IDH3A: variants seen among roughly 807,000 people sequenced by gnomAD.
The protein encoded by IDH3A is isocitrate dehydrogenase (NAD(+)) 3 catalytic subunit alpha, also known as isocitrate dehydrogenase [NAD] subunit alpha, mitochondrial.
A neutral mutation model predicts 43.3 loss-of-function variants in IDH3A; 23 were observed. The observed-to-expected ratio is 0.53, with a 90% CI of 0.38 to 0.75. The LOEUF is 0.75. Ranked by LOEUF, IDH3A falls within the 30% of genes least tolerant of loss-of-function variation. The pLI is 0.00. For synonymous variants in IDH3A, 154 were observed against 163.5 expected, an observed-to-expected ratio of 0.94 and a Z score of 0.44; for missense variants, 329 against 474.4, an observed-to-expected ratio of 0.69 and a Z score of 2.85.
intron 7 of IDH3A, 32 bp from the exon 8 acceptor site, chr15:78,163,684 G>T: frequency 6.3e-7 from 1 of 1,597,534 alleles, no homozygotes; most frequent in Non-Finnish European, 8.6e-7. Context: ...TGCAGATTTT[G>T]ATTACTAAAT....
intron 2 of IDH3A, chr15:78,156,976 A>C: frequency 7.4e-7 from 1 of 1,346,778 alleles, no homozygotes; most frequent in Non-Finnish European, 9.8e-7. Flanking sequence ...GGAACTAAGA[A>C]AAAAATGGAA....
chr15:78,166,626 T>C (rs1424426110), intron 10 of IDH3A, among the ~76,000 whole-genome samples: 1 of 152,158 alleles, frequency 6.6e-6, no homozygotes, highest in Middle Eastern at 3.2e-3. Context: ...TGTGTGACCT[T>C]GGCCAAGTTC....
intron 1 of IDH3A, among the ~76,000 whole-genome samples, chr15:78,152,325 T>A (rs951300830): frequency 6.7e-6 from 1 of 149,558 alleles, no homozygotes; most frequent in African/African-American, 2.5e-5. Flanking sequence ...CCCAAAGTGC[T>A]GGGATTACAA....
intron 1 of IDH3A, chr15:78,154,858 G>A (rs572412059): frequency 4.2e-4 from 72 of 172,468 alleles, no homozygotes; most frequent in Non-Finnish European, 7.1e-4. Flanking sequence ...TAAATTGACC[G>A]AATGGTCAAG....
rs778529190 is a variant in IDH3A, at chr15:78,171,526, G to T, written c.*2521G>T. 6 of 1,613,718 alleles carry T rather than the reference G, an allele frequency of 3.7e-6. No individual in the cohort carries two copies. In the African/African-American group the frequency reaches 8.0e-5, roughly 22 times the overall value. ...TGTGAGCCGTTTCAGTTTCATCGTG[G>T]GACCTAAAAGGGAAATGAGAAGAAA... is the stretch of plus-strand genomic sequence containing the variant. On this transcript the variant is annotated 3_prime_UTR_variant, in exon 11 of 11. Transcript: ENST00000299518.
At position 78,168,759 on chromosome 15, in the gene IDH3A, G is replaced by A. The variant is rs190738086; in HGVS notation, c.1018-163G>A. 949 of 606,962 alleles carry A rather than the reference G, an allele frequency of 1.6e-3. 3 individuals carry two copies. Among genetic ancestry groups the A allele is most frequent in the Non-Finnish European group, 2.0e-3 (650 of 332,764 alleles). The allele number at this position is 606,962 out of a possible 1,614,324, so 37.6% of individuals were successfully genotyped here. On this transcript the variant is annotated intron_variant, in intron 10 of 10. Transcript: ENST00000299518. The stretch of plus-strand genomic sequence containing the variant: ...GATTGGATCCCGATCCTCCTGGGCT[G>A]GGTAGATGGTGGTGGAGTGGTTCCT...
chr15:78,160,060 C>G, intron 3 of IDH3A, 32 bp from the exon 4 acceptor site: 1 of 1,308,272 alleles, frequency 7.6e-7, no homozygotes, highest in Non-Finnish European at 1.1e-6. Flanking sequence ...TAAGTCTCTC[C>G]AGCTCACTGT....
At chr15:78,150,880 A>G (rs912823775) in intron 1 of IDH3A, 1 of 152,222 alleles carries the variant, frequency 6.6e-6, no homozygotes, top group Non-Finnish European at 1.5e-5. Context: ...TCCTAAAAGT[A>G]AAGCAACTTC....
Position 78,169,145 on chromosome 15 carries a change from T to G in IDH3A, c.*140T>G. 3.9e-6 allele frequency: 2 copies of G among 508,430 alleles called. No homozygotes were observed. Among genetic ancestry groups the G allele is most frequent in the Admixed American group, 7.1e-5 (2 of 28,164 alleles). The allele number at this position is 508,430 out of a possible 1,614,324, so 31.5% of individuals were successfully genotyped here. A position where few individuals can be genotyped will look rare whatever the true frequency, so the allele number is the denominator to read the frequency against. Reference sequence around the variant, plus strand: ...TAGATCTGGCCTTTTCTTAACAAAATCTGTGCAAAAGATGCAGGTGGATGT... The same window carrying G: ...TAGATCTGGCCTTTTCTTAACAAAAGCTGTGCAAAAGATGCAGGTGGATGT... On this transcript the variant is annotated 3_prime_UTR_variant, in exon 11 of 11. Transcript: ENST00000299518.
Position 78,171,593 on chromosome 15 carries a change from G to T in IDH3A, c.*2588G>T. On this transcript the variant is annotated 3_prime_UTR_variant, in exon 11 of 11. Coordinates refer to ENST00000299518, the MANE Select transcript of IDH3A (RefSeq NM_005530.3). The stretch of plus-strand genomic sequence containing the variant: ...TCTGAGAACTCTGAGAATGTGTGTG[G>T]TAAAGACTCACACTCAGTCCTATAT... 3 of 1,353,044 alleles carry T rather than the reference G, an allele frequency of 2.2e-6. No homozygotes were observed. The highest frequency in any genetic ancestry group is 3.2e-6 in the Non-Finnish European group (3 of 944,944). The allele number at this position is 1,353,044 out of a possible 1,614,324, so 83.8% of individuals were successfully genotyped here.
intron 1 of IDH3A, among the ~76,000 whole-genome samples, chr15:78,152,720 T>G (rs1423861745): frequency 1.3e-5 from 2 of 152,084 alleles, no homozygotes; most frequent in Non-Finnish European, 2.9e-5. Context: ...TTTGGAAAAT[T>G]TTATTTTACT....
At chr15:78,156,909 T>G (rs2074627646) in intron 2 of IDH3A, 1 of 1,351,818 alleles carries the variant, frequency 7.4e-7, no homozygotes, top group African/African-American at 1.5e-5. Flanking sequence ...TGGTTGCAGA[T>G]CAACTTTGCC....
intron 2 of IDH3A, 155 bp downstream of exon 2, chr15:78,155,430 C>A: frequency 1.9e-6 from 1 of 529,066 alleles, no homozygotes; most frequent in South Asian, 2.8e-5. Flanking sequence ...GGCTGACATG[C>A]ACAAATCTGT....
chr15:78,155,210 T>C lies in IDH3A; in HGVS notation c.28-3T>C, dbSNP rs2074614213. On this transcript the variant is annotated splice_polypyrimidine_tract_variant and splice_region_variant and intron_variant, in intron 1 of 10. Coordinates refer to ENST00000299518, the MANE Select transcript of IDH3A (RefSeq NM_005530.3). ...TGATATTTCTCTGTTGATATTAATA[T>C]AGGTCTCTCGGCTGCTGGGGGCATT... 6 of 1,607,312 alleles carry C rather than the reference T, an allele frequency of 3.7e-6. No homozygotes were observed. Among genetic ancestry groups the C allele is most frequent in the Non-Finnish European group, 5.1e-6 (6 of 1,173,946 alleles).
Position 78,155,932 on chromosome 15 carries a change from G to A in IDH3A, c.90+657G>A, listed in dbSNP as rs1030538556. Among the ~76,000 whole-genome samples, 24 of 152,274 alleles carry A rather than the reference G, an allele frequency of 1.6e-4. 1 individual carries two copies. Among genetic ancestry groups the A allele is most frequent in the Admixed American group, 1.2e-3 (19 of 15,302 alleles). On this transcript the variant is annotated intron_variant, in intron 2 of 10. Transcript: ENST00000299518. ...CCCGCCTTTTATGGAATCTGATTTG[G>A]ATTTCATAATTCCTATACTCCCATA...
At position 78,171,840 on chromosome 15, in the gene IDH3A, C is replaced by T. The variant is rs2074826914; in HGVS notation, c.*2835C>T. 3 of 196,768 alleles carry T rather than the reference C, an allele frequency of 1.5e-5. No individual in the cohort carries two copies. The highest frequency in any genetic ancestry group is 3.1e-5 in the Non-Finnish European group (3 of 96,734). The allele number at this position is 196,768 out of a possible 1,614,324, so 12.2% of individuals were successfully genotyped here. ...AGGAAAGTAGTGTAAGCTACATCTG[C>T]CTTTTCCTTGACCTGTACCCAGTTT... is the stretch of plus-strand genomic sequence containing the variant. On this transcript the variant is annotated 3_prime_UTR_variant, in exon 11 of 11. Coordinates refer to ENST00000299518, the MANE Select transcript of IDH3A (RefSeq NM_005530.3).
Position 78,168,272 on chromosome 15 carries a change from GA to G in IDH3A, c.1018-649del, listed in dbSNP as rs1384593467. On this transcript the variant is annotated intron_variant, in intron 10 of 10. Coordinates refer to ENST00000299518, the MANE Select transcript of IDH3A (RefSeq NM_005530.3). ...CCCCGTCTCTTAAAAAAAAAAAAAA[GA>G]GTTAATGATTTAAATATTTCTTTCG... 8.9e-5 allele frequency: 13 copies of G among 146,650 alleles called. No individual in the cohort carries two copies. In the East Asian group the frequency reaches 2.6e-3, roughly 29 times the overall value. 9.1% of individuals were successfully genotyped at this position (146,650 alleles called of 1,614,324 possible). A position where few individuals can be genotyped will look rare whatever the true frequency, so the allele number is the denominator to read the frequency against.
In IDH3A at chr15:78,171,675, G is replaced by A; in HGVS notation, c.*2670G>A. The stretch of plus-strand genomic sequence containing the variant: ...CCGTCAGTAGCCAGCCTCCAAGACA[G>A]TGATCGCTCCTGGTATTCATATGGC... On this transcript the variant is annotated 3_prime_UTR_variant, in exon 11 of 11. Transcript: ENST00000299518. The A allele has an allele frequency of 1.6e-6, 1 of 635,264 alleles. No individual in the cohort carries two copies. Among genetic ancestry groups the A allele is most frequent in the Non-Finnish European group, 2.8e-6 (1 of 358,082 alleles). 39.4% of individuals were successfully genotyped at this position (635,264 alleles called of 1,614,324 possible). A position where few individuals can be genotyped will look rare whatever the true frequency, so the allele number is the denominator to read the frequency against.
Position 78,168,982 on chromosome 15 carries a change from C to T in IDH3A, c.1078C>T (p.Arg360Cys), listed in dbSNP as rs116374996. 6,749 of 1,598,718 alleles carry T rather than the reference C, an allele frequency of 4.2e-3. 31 individuals are homozygous for T. Among genetic ancestry groups the T allele is most frequent in the Non-Finnish European group, 5.3e-3 (6,142 of 1,167,200 alleles). Residue 360 changes from arginine (R) to cysteine (C), a missense_variant, in exon 11 of 11, where the codon CGC (arginine) becomes TGC (cysteine). By Grantham distance (180) the Arg-to-Cys change is radical. Around this residue, in one of 3 missense-constraint regions of IDH3A, gnomAD observed 91 missense variants for 111.6 expected, o/e 0.82. Transcript: ENST00000299518. ...KCSDFTEEIC[R>C]RVKDLD ...CTCAGACTTCACAGAGGAAATCTGT[C>T]GCCGAGTAAAAGATTTAGATTAACA... is the stretch of plus-strand genomic sequence containing the variant.
Sources: allele counts gnomAD v4.1 joint callset (sites outside exome capture counted in the v4.1 genomes callset), GRCh38; gene constraint gnomAD v4.1.1; regional missense constraint gnomAD v4.1.1; transcripts MANE v1.5; gene names NCBI Gene and HGNC (gene_info 2026-07-23, HGNC 2026-07-21).